UNC13A: variants seen among roughly 807,000 people sequenced by gnomAD.
UNC13A encodes the protein unc-13 homolog A.
In UNC13A, 61 loss-of-function variants were observed where a neutral mutation model predicts 219.7. The observed-to-expected ratio is 0.28, with a 90% CI of 0.23 to 0.34. The LOEUF is 0.34. Among genes scored for constraint, UNC13A ranks in the 10% least tolerant of loss-of-function variants. The pLI, the probability that UNC13A is intolerant of heterozygous loss-of-function variation, is 1.00. For synonymous variants in UNC13A, 920 were observed against 884.6 expected (o/e 1.04, Z -0.71); for missense variants, 1,476 against 2,270.3 (o/e 0.65, Z 7.11).
intron 40 of UNC13A, 55 bp from the exon 41 acceptor site, chr19:17,617,904 T>C (rs894863058): frequency 6.2e-7 from 1 of 1,601,700 alleles, no homozygotes; most frequent in Non-Finnish European, 8.5e-7. Context: ...TACCCACTCA[T>C]AGGGCTGGGT....
In UNC13A at chr19:17,627,164, C is replaced by CA. The variant is rs141561041; in HGVS notation, c.3920+344dup. On this transcript the variant is annotated intron_variant, in intron 33 of 43. Transcript: ENST00000519716. This position sits in a 1 kb window ranked among gnomAD's most constrained non-coding sequence, Gnocchi z 4.7. ...CTGGTGACAGAACGAGACTTCGTCT[C>CA]AAAAAAAAAAAAAGAGTGGAAAATA... is the stretch of plus-strand genomic sequence containing the variant. Among the ~76,000 whole-genome samples, 2,349 of 132,892 alleles carry CA rather than the reference C, an allele frequency of 0.018. 50 individuals are homozygous for CA. Among genetic ancestry groups the CA allele is most frequent in the African/African-American group, 0.061 (2,124 of 34,884 alleles). The allele number at this position is 132,892 out of a possible 152,430, so 87.2% of individuals were successfully genotyped here.
intron 4 of UNC13A, among the ~76,000 whole-genome samples, chr19:17,671,253 C>T (rs1179031615): frequency 1.3e-5 from 2 of 152,058 alleles, no homozygotes; most frequent in East Asian, 3.9e-4. Context: ...GCTCAGGGAA[C>T]ACACTATGCA....
chr19:17,630,879 C>T (rs935330999), intron 28 of UNC13A, 129 bp from the exon 29 acceptor site: 2 of 759,174 alleles, frequency 2.6e-6, no homozygotes, highest in African/African-American at 3.5e-5. Context: ...TCCCTGCAGC[C>T]TTGAGTGGCT....
At chr19:17,647,175 A>G in intron 17 of UNC13A, 90 bp downstream of exon 17, 2 of 1,257,034 alleles carry the variant, frequency 1.6e-6, no homozygotes, top group Non-Finnish European at 2.2e-6. Flanking sequence ...GCGCGCTGCA[A>G]AGGAGAGGGA....
At chr19:17,669,424 C>T (rs975868032) in intron 5 of UNC13A, 129 bp downstream of exon 5, 18 of 1,320,946 alleles carry the variant, frequency 1.4e-5, no homozygotes, top group Middle Eastern at 2.1e-4. Context: ...TCCTCCGGGG[C>T]GAAGGACCCT....
chr19:17,676,286 G>A (rs1434667251), intron 1 of UNC13A: 2 of 632,594 alleles, frequency 3.2e-6, no homozygotes, highest in Non-Finnish European at 5.8e-6. Context: ...GAGAGGGAGA[G>A]AGAGAAGCCA....
rs1256369262 is a variant in UNC13A at position 17,606,370 on chromosome 19, C to A, written c.4812-16G>T. ...GCTCAGCGTGCTGCGTGGGGAGGGG[C>A]GGAACGTGAGACAGGCCACACCTAC... On this transcript the variant is annotated splice_polypyrimidine_tract_variant and intron_variant, in intron 43 of 43. Transcript: ENST00000519716. 3 of 1,539,316 alleles carry A rather than the reference C, an allele frequency of 1.9e-6. No homozygotes were observed. Among genetic ancestry groups the A allele is most frequent in the South Asian group, 2.4e-5 (2 of 83,902 alleles).
rs960810982 is a variant in UNC13A at position 17,610,208 on chromosome 19, G to A, written c.4652-109C>T. 6.8e-6 allele frequency: 10 copies of A among 1,466,136 alleles called. No individual in the cohort carries two copies. In the Admixed American group the frequency reaches 1.6e-4, roughly 24 times the overall value. The allele number at this position is 1,466,136 out of a possible 1,614,324, so 90.8% of individuals were successfully genotyped here. A position where few individuals can be genotyped will look rare whatever the true frequency, so the allele number is the denominator to read the frequency against. On this transcript the variant is annotated intron_variant, in intron 42 of 43. Transcript: ENST00000519716. ...AGGCTGGGCGCAGTGGCTCACGCTTGTAATCCCACCACTTCGGGAGGCCAA... is the reference window on the plus strand; with the variant it reads ...AGGCTGGGCGCAGTGGCTCACGCTTATAATCCCACCACTTCGGGAGGCCAA...
intron 26 of UNC13A, among the ~76,000 whole-genome samples, chr19:17,634,882 T>G (rs1162138729): frequency 1.3e-5 from 2 of 150,756 alleles, no homozygotes; most frequent in Non-Finnish European, 2.9e-5. Flanking sequence ...GTTTTTTCTG[T>G]TTTTTTTGAG....
Position 17,656,122 on chromosome 19 carries a change from C to G in UNC13A, c.1044G>C (p.Glu348Asp). 1 of 1,549,136 alleles carries G rather than the reference C, an allele frequency of 6.5e-7. No homozygotes were observed. Among genetic ancestry groups the G allele is most frequent in the Non-Finnish European group, 8.7e-7 (1 of 1,144,304 alleles). ...TGCCCAAATCGTCAGGCACCTCCTC[C>G]TCCTCCTCCTCCAGCTCCTCCTCAT... ...PEDEEELEEE[E>D]EEVPDDLGSY... Residue 348 changes from glutamate to aspartate, a missense_variant, in exon 10 of 44, where the codon GAG (glutamate) becomes GAC (aspartate). By Grantham distance (45) the Glu-to-Asp change is conservative (BLOSUM62 2). This residue lies in a region of UNC13A where 351 missense variants were observed against 342.6 expected (regional missense o/e 1.02). Coordinates refer to ENST00000519716, the MANE Select transcript of UNC13A (RefSeq NM_001080421.3).
intron 22 of UNC13A, 75 bp from the exon 23 acceptor site, chr19:17,639,983 C>T (rs2076951066): frequency 7.0e-7 from 1 of 1,426,580 alleles, no homozygotes; most frequent in South Asian, 1.2e-5. Context: ...GCCTACTGTA[C>T]AGTAAGTATA....
chr19:17,675,929 G>C, intron 2 of UNC13A, 83 bp downstream of exon 2: 1 of 1,510,142 alleles, frequency 6.6e-7, no homozygotes, highest in Non-Finnish European at 9.0e-7. Context: ...TCTAAGTCTG[G>C]GCTGGGACCC....
chr19:17,623,390 C>T, intron 36 of UNC13A, 152 bp downstream of exon 36: 1 of 611,232 alleles, frequency 1.6e-6, no homozygotes, highest in Non-Finnish European at 2.7e-6. Flanking sequence ...ATGCCCCGCC[C>T]CAGACAGACA....
At chr19:17,660,195 C>T (rs2079526634) in intron 8 of UNC13A, among the ~76,000 whole-genome samples, 1 of 152,104 alleles carries the variant, frequency 6.6e-6, no homozygotes, top group Non-Finnish European at 1.5e-5. Flanking sequence ...CCACCTCGGC[C>T]GGCCAGCATT....
At position 17,633,269 on chromosome 19, in the gene UNC13A, CCA is replaced by C. The variant is rs1555779179; in HGVS notation, c.3216-78_3216-77del. On this transcript the variant is annotated intron_variant, in intron 26 of 43. Coordinates refer to ENST00000519716, the MANE Select transcript of UNC13A (RefSeq NM_001080421.3). Reference sequence around the variant, plus strand: ...ATGGGCTGCTTTGTCCTTCCCTGCCCCACAGAGGAGTGTAGGGTAGGGTAGAG... The same window carrying C: ...ATGGGCTGCTTTGTCCTTCCCTGCCCCAGAGGAGTGTAGGGTAGGGTAGAG... 5.0e-6 allele frequency: 7 copies of C among 1,394,176 alleles called. 1 individual carries two copies. The highest frequency in any genetic ancestry group is 4.2e-5 in the African/African-American group (3 of 70,868). The allele number at this position is 1,394,176 out of a possible 1,614,324, so 86.4% of individuals were successfully genotyped here. A position where few individuals can be genotyped will look rare whatever the true frequency, so the allele number is the denominator to read the frequency against.
chr19:17,678,650 C>T (rs1176099741), intron 1 of UNC13A, among the ~76,000 whole-genome samples: 1 of 152,052 alleles, frequency 6.6e-6, no homozygotes, highest in Non-Finnish European at 1.5e-5. Flanking sequence ...CCACCCAGCA[C>T]CTCACCCCTG....
At chr19:17,681,638 T>C (rs537319941) in intron 1 of UNC13A, among the ~76,000 whole-genome samples, 2 of 152,328 alleles carry the variant, frequency 1.3e-5, no homozygotes, top group South Asian at 4.1e-4. Context: ...CACTTAGAAG[T>C]AGGCCTAGCC....
chr19:17,666,429 G>T (rs1819084552), intron 7 of UNC13A, among the ~76,000 whole-genome samples: 1 of 152,008 alleles, frequency 6.6e-6, no homozygotes, highest in Non-Finnish European at 1.5e-5. Context: ...TGGCCAGGCT[G>T]GTCTCGAACT....
Position 17,685,554 on chromosome 19 carries a change from G to A in UNC13A, c.22+2624C>T, listed in dbSNP as rs372513849. On this transcript the variant is annotated intron_variant, in intron 1 of 43. Coordinates refer to ENST00000519716, the MANE Select transcript of UNC13A (RefSeq NM_001080421.3). ...TATTGTGAGCATTCATCAGACACGTGGATACATCTATATGCGTGCTGGCAG... is the reference window on the plus strand; with the variant it reads ...TATTGTGAGCATTCATCAGACACGTAGATACATCTATATGCGTGCTGGCAG... Among the ~76,000 whole-genome samples the A allele has an allele frequency of 7.9e-5, 12 of 152,162 alleles. No homozygotes were observed. In the East Asian group the frequency reaches 1.3e-3, roughly 17 times the overall value.
Sources: gnomAD v4.1 joint callset for allele counts (sites outside exome capture counted in the v4.1 genomes callset) on GRCh38, gnomAD v4.1.1 for gene constraint, gnomAD v4.1.1 regional missense constraint, Gnocchi (gnomAD v3.1) non-coding constraint, MANE v1.5 for transcripts, NCBI Gene and HGNC (gene_info 2026-07-23, HGNC 2026-07-21) for gene names.